The following PPFIA2 variants were observed in gnomAD, a reference collection of about 807,000 sequenced individuals.
PPFIA2 encodes the protein liprin-alpha-2.
A neutral mutation model predicts 175.5 loss-of-function variants in PPFIA2; 46 were observed. The observed-to-expected ratio is 0.26, with a 90% CI of 0.21 to 0.34. PPFIA2 has a LOEUF of 0.34. PPFIA2 is among the 10% of genes least tolerant of loss of function. The pLI, the probability that PPFIA2 is intolerant of heterozygous loss-of-function variation, is 1.00. For missense variants in PPFIA2, 1,179 were observed against 1,506.1 expected (o/e 0.78, Z 3.60); for synonymous variants, 568 against 511.4 (o/e 1.11, Z -1.49).
At chr12:81,409,521 C>G (rs2043530048) in intron 7 of PPFIA2, among the ~76,000 whole-genome samples, 1 of 152,104 alleles carries the variant, frequency 6.6e-6, no homozygotes, top group Non-Finnish European at 1.5e-5. Flanking sequence ...TGTATCATCT[C>G]ACATGCTTTT....
intron 4 of PPFIA2, among the ~76,000 whole-genome samples, chr12:81,648,134 A>G (rs1231176454): frequency 6.6e-6 from 1 of 151,522 alleles, no homozygotes; most frequent in African/African-American, 2.4e-5. Context: ...ACTGAAATCA[A>G]TGTATACAAT....
intron 23 of PPFIA2, among the ~76,000 whole-genome samples, chr12:81,296,438 G>C (rs185932147): frequency 4.6e-5 from 7 of 152,328 alleles, no homozygotes; most frequent in African/African-American, 1.7e-4. Flanking sequence ...CAAGCACTGG[G>C]TGAATGCCAA....
chr12:81,456,549 T>C (rs1250334398), intron 5 of PPFIA2, among the ~76,000 whole-genome samples: 1 of 152,212 alleles, frequency 6.6e-6, no homozygotes. Context: ...ATAAAGTGAA[T>C]AGGCCATTAG....
At chr12:81,574,814 C>T (rs1449154057) in intron 4 of PPFIA2, among the ~76,000 whole-genome samples, 3 of 151,812 alleles carry the variant, frequency 2.0e-5, no homozygotes, top group African/African-American at 7.2e-5. Flanking sequence ...GTTCACCTTA[C>T]TCTTACAGAT....
At chr12:81,496,334 AAAG>A (rs1368453079) in intron 4 of PPFIA2, among the ~76,000 whole-genome samples, 2 of 152,206 alleles carry the variant, frequency 1.3e-5, no homozygotes, top group African/African-American at 2.4e-5. Context: ...AAAAAACTAT[AAAG>A]AAGAAGAATA....
chr12:81,425,980 T>A (rs546917313), intron 7 of PPFIA2, among the ~76,000 whole-genome samples: 11 of 152,336 alleles, frequency 7.2e-5, no homozygotes, highest in Non-Finnish European at 1.2e-4. Context: ...GCTTTTGCCC[T>A]CAGCCTTAAG....
chr12:81,373,644 C>T (rs1699364393), intron 11 of PPFIA2, among the ~76,000 whole-genome samples: 1 of 152,008 alleles, frequency 6.6e-6, no homozygotes, highest in South Asian at 2.1e-4. Flanking sequence ...TCTTTCATTA[C>T]CTGGTTAATT....
intron 22 of PPFIA2, among the ~76,000 whole-genome samples, chr12:81,301,058 T>C (rs1432557082): frequency 6.6e-6 from 1 of 152,104 alleles, no homozygotes; most frequent in Non-Finnish European, 1.5e-5. Flanking sequence ...GTGAAGTATG[T>C]CATTTTAGAA....
chr12:81,643,481 C>T (rs2065640498), intron 4 of PPFIA2, among the ~76,000 whole-genome samples: 1 of 151,744 alleles, frequency 6.6e-6, no homozygotes, highest in Admixed American at 6.6e-5. Context: ...GAAAATAAGT[C>T]GAAGTAGAAT....
intron 4 of PPFIA2, among the ~76,000 whole-genome samples, chr12:81,651,935 T>C (rs142034217): frequency 1.6e-3 from 243 of 152,134 alleles, no homozygotes; most frequent in African/African-American, 5.7e-3. Flanking sequence ...GTTGACAGTT[T>C]TGACCAGCCA....
intron 4 of PPFIA2, among the ~76,000 whole-genome samples, chr12:81,529,535 A>AC (rs2064195366): frequency 6.8e-6 from 1 of 148,118 alleles, no homozygotes; most frequent in Non-Finnish European, 1.5e-5. Flanking sequence ...ACACACACAC[A>AC]AAGAGTGGCG....
chr12:81,332,152 A>C (rs989028383), intron 21 of PPFIA2, among the ~76,000 whole-genome samples: 2 of 151,866 alleles, frequency 1.3e-5, no homozygotes, highest in Non-Finnish European at 2.9e-5. Flanking sequence ...TGGATGCTTG[A>C]CCCTGGAACT....
intron 4 of PPFIA2, among the ~76,000 whole-genome samples, chr12:81,507,415 T>C (rs2061294739): frequency 7.4e-6 from 1 of 135,274 alleles, no homozygotes; most frequent in Non-Finnish European, 1.6e-5. Flanking sequence ...ATCCAGAACA[T>C]AATTATTATT....
chr12:81,752,995 C>T (rs985584589), intron 3 of PPFIA2, among the ~76,000 whole-genome samples: 12 of 150,276 alleles, frequency 8.0e-5, no homozygotes, highest in African/African-American at 2.7e-4. Context: ...AGTGCAGTGG[C>T]GTGATCTTGG....
chr12:81,549,212 T>C (rs2153365203), intron 4 of PPFIA2, among the ~76,000 whole-genome samples: 1 of 152,234 alleles, frequency 6.6e-6, no homozygotes, highest in South Asian at 2.1e-4. Flanking sequence ...GCTTTGCTGC[T>C]ATCTTCCTAG....
chr12:81,508,527 A>G (rs2061429903), intron 4 of PPFIA2, among the ~76,000 whole-genome samples: 2 of 147,768 alleles, frequency 1.4e-5, no homozygotes, highest in Admixed American at 6.7e-5. Context: ...ACCTCAAAAA[A>G]AAAAAAAAAA....
At chr12:81,639,264 CCTGCTTTTTTTT>C (rs1273629257) in intron 4 of PPFIA2, among the ~76,000 whole-genome samples, 2 of 151,982 alleles carry the variant, frequency 1.3e-5, no homozygotes, top group Non-Finnish European at 2.9e-5. Flanking sequence ...TCAATTTCCC[CCTGCTTTTTTTT>C]CTTTTAAAAC....
rs1258975730 is a variant in PPFIA2, at chr12:81,623,117, A to C, written c.303+53674T>G. 2.0e-5 allele frequency among the ~76,000 whole-genome samples: 3 copies of C among 152,140 alleles called. No homozygotes were observed. In the East Asian group the frequency reaches 5.8e-4, roughly 29 times the overall value. ...GAAAGAAGAAGTTGAAACAAAAAGC[A>C]GGCATAATAATGAATCTACAATGAT... On this transcript the variant is annotated intron_variant, in intron 4 of 32. Coordinates refer to ENST00000549396, the MANE Select transcript of PPFIA2 (RefSeq NM_003625.5).
chr12:81,558,121 T>A (rs915109440), intron 4 of PPFIA2, among the ~76,000 whole-genome samples: 1 of 152,176 alleles, frequency 6.6e-6, no homozygotes, highest in Non-Finnish European at 1.5e-5. Flanking sequence ...CTATCAAGTT[T>A]ATGAAATAAA....
Sources: allele counts gnomAD v4.1 joint callset (sites outside exome capture counted in the v4.1 genomes callset), GRCh38; gene constraint gnomAD v4.1.1; transcripts MANE v1.5; gene names NCBI Gene and HGNC (gene_info 2026-07-23, HGNC 2026-07-21).